MATR3: variants seen among roughly 807,000 people sequenced by gnomAD.
The protein encoded by MATR3 is matrin 3, also known as matrin-3.
In MATR3, 4 loss-of-function variants were observed where a neutral mutation model predicts 85.5. That is an observed-to-expected ratio of 0.05 (90% CI 0.02 to 0.11). MATR3 has a LOEUF of 0.11. Ranked by LOEUF, MATR3 falls within the 10% of genes least tolerant of loss-of-function variation. The probability of loss-of-function intolerance (pLI) is 1.00; values close to 1 mark genes in which losing one functional copy is unlikely to be tolerated. For missense variants in MATR3, 685 were observed against 1,016.1 expected (o/e 0.67, Z 4.43); for synonymous variants, 336 against 343.1 (o/e 0.98, Z 0.23).
At chr5:139,324,233 C>T (rs865891224) in intron 12 of MATR3, among the ~76,000 whole-genome samples, 3 of 149,942 alleles carry the variant, frequency 2.0e-5, no homozygotes, top group South Asian at 4.2e-4. Context: ...TCCCATACTG[C>T]TTATAAGACA....
chr5:139,308,880 A>G (rs893911511), intron 2 of MATR3, among the ~76,000 whole-genome samples: 2 of 152,186 alleles, frequency 1.3e-5, no homozygotes, highest in East Asian at 1.9e-4. Flanking sequence ...CTTTAACACA[A>G]ACTCTCATAC....
intron 3 of MATR3, 24 bp downstream of exon 3, chr5:139,314,760 A>C: frequency 6.2e-7 from 1 of 1,605,222 alleles, no homozygotes; most frequent in South Asian, 1.1e-5. Context: ...ATACCTTTAA[A>C]ACATCCTTAT....
chr5:139,325,219 C>G (rs951051412), intron 12 of MATR3: 3 of 1,520,080 alleles, frequency 2.0e-6, no homozygotes, highest in Admixed American at 4.4e-5. Context: ...AGACGCTATC[C>G]GTTTCCCTTC....
At chr5:139,297,865 C>G (rs989624213) in intron 1 of MATR3, among the ~76,000 whole-genome samples, 1 of 152,182 alleles carries the variant, frequency 6.6e-6, no homozygotes, top group Non-Finnish European at 1.5e-5. Context: ...ACCTTAAAAA[C>G]ATCTTATCTG....
intron 2 of MATR3, chr5:139,313,155 C>A (rs1341666026): frequency 1.3e-5 from 2 of 151,738 alleles, no homozygotes; most frequent in African/African-American, 4.8e-5. Context: ...TGAGACATCC[C>A]CCTTTAAAAA....
chr5:139,320,725 A>AG (rs1755516127), intron 9 of MATR3, among the ~76,000 whole-genome samples: 3 of 148,556 alleles, frequency 2.0e-5, no homozygotes, highest in Non-Finnish European at 3.0e-5. Flanking sequence ...ACACTATTTT[A>AG]ATATCTTAAG....
chr5:139,293,747 T>C lies in MATR3; in HGVS notation c.-236T>C, dbSNP rs1235875331. ...GTTGCTGCGGGGGATTGTGGGAGTC[T>C]CCGCGTCCCGCTCGCTGGGAGAGAG... On this transcript the variant is annotated 5_prime_UTR_variant, in exon 1 of 15. Transcript: ENST00000394805. The C allele has an allele frequency of 5.3e-6, 2 of 376,250 alleles. No homozygotes were observed. Among genetic ancestry groups the C allele is most frequent in the East Asian group, 3.8e-5 (1 of 26,506 alleles). The allele number at this position is 376,250 out of a possible 1,614,324, so 23.3% of individuals were successfully genotyped here.
At chr5:139,327,529 C>A (rs921005678) in intron 14 of MATR3, among the ~76,000 whole-genome samples, 6 of 152,140 alleles carry the variant, frequency 3.9e-5, no homozygotes, top group Admixed American at 3.9e-4. Context: ...TCAAGCCATT[C>A]TCTTGCCTCA....
At chr5:139,323,066 A>G in intron 12 of MATR3, 99 bp downstream of exon 12, 1 of 1,185,222 alleles carries the variant, frequency 8.4e-7, no homozygotes, top group Non-Finnish European at 1.2e-6. Flanking sequence ...TATATGATTT[A>G]AATCAGAAAA....
At chr5:139,280,451 A>G (rs1753474028) in intron 3 of MATR3, 1 of 152,254 alleles carries the variant, frequency 6.6e-6, no homozygotes, top group Non-Finnish European at 1.5e-5. Flanking sequence ...TTAGAGCATC[A>G]TACTCTTCAT....
At chr5:139,323,630 G>A (rs1056220715) in intron 12 of MATR3, among the ~76,000 whole-genome samples, 1 of 152,144 alleles carries the variant, frequency 6.6e-6, no homozygotes. Context: ...GGAGTCAGGC[G>A]GGCCCAGTGG....
intron 1 of MATR3, among the ~76,000 whole-genome samples, chr5:139,299,678 G>C (rs1253058351): frequency 6.6e-6 from 1 of 152,002 alleles, no homozygotes; most frequent in Non-Finnish European, 1.5e-5. Flanking sequence ...ATCGTAGTGT[G>C]GATTTCATGT....
Position 139,331,272 on chromosome 5 carries a change from C to T in MATR3, c.*1877C>T, listed in dbSNP as rs2152037388. On this transcript the variant is annotated 3_prime_UTR_variant, in exon 15 of 15. Coordinates refer to ENST00000394805, the MANE Select transcript of MATR3 (RefSeq NM_018834.6). Reference sequence around the variant, plus strand: ...TGCACAAAAAATCCTTGCCAGTTTACTTCTGCAATTTAATTTTAGCCTTTA... The same window carrying T: ...TGCACAAAAAATCCTTGCCAGTTTATTTCTGCAATTTAATTTTAGCCTTTA... 1 of 454,106 alleles carries T rather than the reference C, an allele frequency of 2.2e-6. No homozygotes were observed. The highest frequency in any genetic ancestry group is 6.9e-5 in the East Asian group (1 of 14,398). 28.1% of individuals were successfully genotyped at this position (454,106 alleles called of 1,614,324 possible).
At chr5:139,314,454 T>A (rs1337351789) in intron 2 of MATR3, 2 of 498,334 alleles carry the variant, frequency 4.0e-6, no homozygotes, top group Non-Finnish European at 7.4e-6. Context: ...GACAAGTTAA[T>A]CCAGTTTTTC....
chr5:139,324,537 G>A (rs188220753), intron 12 of MATR3, among the ~76,000 whole-genome samples: 16 of 152,026 alleles, frequency 1.1e-4, no homozygotes, highest in East Asian at 9.7e-4. Flanking sequence ...AGGGTGATCC[G>A]CCCACCTCAG....
rs1175972721 is a variant in MATR3 at position 139,320,743 on chromosome 5, C to CTTT, written c.1603-1135_1603-1133dup. Among the ~76,000 whole-genome samples the CTTT allele has an allele frequency of 5.7e-4, 58 of 102,418 alleles. 1 individual carries two copies. Among genetic ancestry groups the CTTT allele is most frequent in the African/African-American group, 6.8e-4 (14 of 20,706 alleles). 67.2% of individuals were successfully genotyped at this position (102,418 alleles called of 152,430 possible). A position where few individuals can be genotyped will look rare whatever the true frequency, so the allele number is the denominator to read the frequency against. ...CTATTTTAATATCTTAAGCTTATTA[C>CTTT]TTTTTTTTTTTTTTTTTTTTTTGAG... is the stretch of plus-strand genomic sequence containing the variant. On this transcript the variant is annotated intron_variant, in intron 9 of 14. Transcript: ENST00000394805.
upstream of MATR3, among the ~76,000 whole-genome samples, chr5:139,292,594 C>G (rs1025569657): frequency 2.0e-5 from 3 of 152,276 alleles, no homozygotes; most frequent in African/African-American, 7.2e-5. Flanking sequence ...GTCAAATTCA[C>G]CAAAAGGCGG....
intron 2 of MATR3, chr5:139,310,735 G>A (rs987541241): frequency 2.6e-5 from 4 of 151,768 alleles, no homozygotes; most frequent in African/African-American, 9.7e-5. Flanking sequence ...TAAAGTGATG[G>A]TGGTGTTTTT....
At chr5:139,302,281 C>T (rs1349075658) in intron 1 of MATR3, among the ~76,000 whole-genome samples, 2 of 151,966 alleles carry the variant, frequency 1.3e-5, no homozygotes, top group African/African-American at 4.8e-5. Flanking sequence ...AACTCTTAAG[C>T]CACTCAAGGT....
Sources: gnomAD v4.1 joint callset for allele counts (sites outside exome capture counted in the v4.1 genomes callset) on GRCh38, gnomAD v4.1.1 for gene constraint, MANE v1.5 for transcripts, NCBI Gene and HGNC (gene_info 2026-07-23, HGNC 2026-07-21) for gene names.